Variants in PCDH15 observed in about 807,000 individuals in gnomAD.
The protein encoded by PCDH15 is protocadherin-15.
In PCDH15, 129 loss-of-function variants were observed where a neutral mutation model predicts 178.5. The ratio of observed to expected loss-of-function variants is 0.72; its 90% CI spans 0.63 to 0.84. The LOEUF is 0.84. Ranked by LOEUF, PCDH15 falls within the 40% of genes least tolerant of loss-of-function variation. The pLI is 0.00. For synonymous variants in PCDH15, 800 were observed against 732.0 expected (o/e 1.09, Z -1.50); for missense variants, 2,230 against 2,099.9 (o/e 1.06, Z -1.21).
intron 2 of PCDH15, among the ~76,000 whole-genome samples, chr10:55,004,677 A>G (rs1363042215): frequency 6.6e-6 from 1 of 152,134 alleles, no homozygotes; most frequent in East Asian, 1.9e-4. Flanking sequence ...TCAGTTGAAG[A>G]GATGGATTTG....
At position 55,604,967 on chromosome 10, in the gene PCDH15, C is replaced by T. The variant is rs368714442; in HGVS notation, c.-156+22658G>A. Among the ~76,000 whole-genome samples the T allele has an allele frequency of 7.3e-5, 11 of 151,608 alleles. 1 individual carries two copies. The highest frequency in any genetic ancestry group is 3.9e-4 in the East Asian group (2 of 5,162). ...TTAATGAATCCAGGAGCTGGTTTTT[C>T]GAAAGGATCAACAAAATAGATAGAC... On this transcript the variant is annotated intron_variant, in intron 2 of 5. Transcript: ENST00000613346.
In PCDH15 at chr10:55,167,859, T is replaced by C. The variant is rs140446073; in HGVS notation, c.-155-1208A>G. Among the ~76,000 whole-genome samples, 7 of 152,240 alleles carry C rather than the reference T, an allele frequency of 4.6e-5. No homozygotes were observed. In the East Asian group the frequency reaches 7.7e-4, roughly 17 times the overall value. On this transcript the variant is annotated intron_variant, in intron 1 of 5. Coordinates refer to the PCDH15 transcript ENST00000458638. ...AGAAAGAATTGTTATTTTACAATGG[T>C]TCTAAGGTGAACTACATTAAATAAC...
chr10:54,790,783 A>G (rs1951335542), intron 1 of PCDH15, among the ~76,000 whole-genome samples: 1 of 151,956 alleles, frequency 6.6e-6, no homozygotes, highest in African/African-American at 2.4e-5. Flanking sequence ...AGCCTCTTTG[A>G]ATAAAACCTG....
At chr10:54,377,513 A>G (rs2134984958) in intron 4 of PCDH15, among the ~76,000 whole-genome samples, 1 of 152,316 alleles carries the variant, frequency 6.6e-6, no homozygotes, top group South Asian at 2.1e-4. Context: ...CATAAGTAAT[A>G]AAGCACATAG....
Position 54,650,776 on chromosome 10 carries a change from A to C in PCDH15, c.91+13396T>G, listed in dbSNP as rs546663972. 2.1e-3 allele frequency among the ~76,000 whole-genome samples: 325 copies of C among 152,182 alleles called. 1 individual carries two copies. The highest frequency in any genetic ancestry group is 7.2e-3 in the African/African-American group (301 of 41,518). ...GGGTTTCCCCTTACAAAACCATCAG[A>C]TCTCATGAGACTTATTAACTACTGT... On this transcript the variant is annotated intron_variant, in intron 2 of 37. Coordinates refer to ENST00000644397, the MANE Select transcript of PCDH15 (RefSeq NM_001384140.1).
At chr10:54,213,875 T>C (rs2051711802) in intron 10 of PCDH15, 61 bp downstream of exon 10, 2 of 1,093,674 alleles carry the variant, frequency 1.8e-6, no homozygotes, top group Non-Finnish European at 2.8e-6. Context: ...CAGTAGCGTC[T>C]ACAGATTTAT....
chr10:55,461,081 T>C (rs1407413578), intron 2 of PCDH15, among the ~76,000 whole-genome samples: 2 of 152,128 alleles, frequency 1.3e-5, no homozygotes, highest in Non-Finnish European at 2.9e-5. Flanking sequence ...TCTCTAATCC[T>C]TTGGGTGGCT....
At chr10:55,278,975 A>T (rs1185574725) in intron 1 of PCDH15, among the ~76,000 whole-genome samples, 1 of 152,126 alleles carries the variant, frequency 6.6e-6, no homozygotes, top group Non-Finnish European at 1.5e-5. Context: ...TGATTCTCAA[A>T]CTTCATTTTA....
chr10:54,813,747 A>T (rs1012197474), intron 3 of PCDH15, among the ~76,000 whole-genome samples: 1 of 152,190 alleles, frequency 6.6e-6, no homozygotes, highest in African/African-American at 2.4e-5. Context: ...GCACATCATT[A>T]TCAGAATGAC....
At chr10:54,076,400 A>G (rs1353202524) in intron 17 of PCDH15, among the ~76,000 whole-genome samples, 1 of 151,804 alleles carries the variant, frequency 6.6e-6, no homozygotes, top group Non-Finnish European at 1.5e-5. Context: ...CTATATGCAA[A>G]CTCATATCAC....
At chr10:55,136,211 G>A (rs1290842326) in intron 2 of PCDH15, among the ~76,000 whole-genome samples, 3 of 152,176 alleles carry the variant, frequency 2.0e-5, no homozygotes, top group African/African-American at 4.8e-5. Context: ...TGTAAATTTG[G>A]AAAACTCTAA....
At position 54,946,950 on chromosome 10, in the gene PCDH15, C is replaced by T. The variant is rs138942204; in HGVS notation, c.-79-49450G>A. 2.0e-3 allele frequency among the ~76,000 whole-genome samples: 310 copies of T among 151,974 alleles called. 2 individuals carry two copies. The highest frequency in any genetic ancestry group is 7.1e-3 in the African/African-American group (295 of 41,524). ...GTATAATAAGGTACATCTGTATTAG[C>T]AATGCTCTATTCACAGTTACCACCA... On this transcript the variant is annotated intron_variant, in intron 2 of 5. Transcript: ENST00000458638.
At chr10:54,294,194 T>C (rs1345905697) in intron 8 of PCDH15, among the ~76,000 whole-genome samples, 1 of 152,012 alleles carries the variant, frequency 6.6e-6, no homozygotes, top group East Asian at 1.9e-4. Flanking sequence ...TGGAAACCAT[T>C]ATTCTCAGCA....
chr10:54,576,989 A>G (rs1193438441), intron 2 of PCDH15, among the ~76,000 whole-genome samples: 1 of 152,158 alleles, frequency 6.6e-6, no homozygotes, highest in East Asian at 1.9e-4. Context: ...ATAGAGAAAA[A>G]TGTCTACATT....
At chr10:54,151,332 AGAGCTTGAGAC>A (rs1488166795) in intron 14 of PCDH15, among the ~76,000 whole-genome samples, 8 of 152,080 alleles carry the variant, frequency 5.3e-5, no homozygotes, top group African/African-American at 1.9e-4. Flanking sequence ...GTAGAGGCCA[AGAGCTTGAGAC>A]GAGCCTGGGC....
chr10:54,555,225 C>T (rs1199830346), intron 2 of PCDH15, among the ~76,000 whole-genome samples: 1 of 152,056 alleles, frequency 6.6e-6, no homozygotes, highest in African/African-American at 2.4e-5. Flanking sequence ...TTCAGTCACT[C>T]CCCTAGAGTC....
rs538096001 is a variant in PCDH15, at chr10:54,033,883, T to A, written c.2221-10686A>T. 1.6e-3 allele frequency among the ~76,000 whole-genome samples: 236 copies of A among 152,096 alleles called. 2 individuals carry two copies. Among genetic ancestry groups the A allele is most frequent in the Middle Eastern group, 0.01 (3 of 294 alleles). On this transcript the variant is annotated intron_variant, in intron 18 of 37. Transcript: ENST00000644397. ...TAATTTTCTTTTTTCTAGTATTCTGTTGGGTTCAATATAAACATGCCCATG... is the reference window on the plus strand; with the variant it reads ...TAATTTTCTTTTTTCTAGTATTCTGATGGGTTCAATATAAACATGCCCATG...
intron 2 of PCDH15, among the ~76,000 whole-genome samples, chr10:54,550,488 C>CTGTGTGTGTGTGTGTGTGTG (rs71010384): frequency 6.6e-6 from 1 of 150,746 alleles, no homozygotes; most frequent in East Asian, 2.0e-4. Context: ...GTGTATGTGT[C>CTGTGTGTGTGTGTGTGTGTG]TGTGTGTGTG....
intron 1 of PCDH15, among the ~76,000 whole-genome samples, chr10:54,694,789 A>T (rs1408587732): frequency 1.3e-5 from 2 of 152,096 alleles, no homozygotes; most frequent in African/African-American, 4.8e-5. Context: ...CAATATTCAA[A>T]TTAGGCCAAC....
Sources: gnomAD v4.1 joint callset for allele counts (sites outside exome capture counted in the v4.1 genomes callset) on GRCh38, gnomAD v4.1.1 for gene constraint, MANE v1.5 for transcripts, NCBI Gene and HGNC (gene_info 2026-07-23, HGNC 2026-07-21) for gene names.